Variants in ATP8B4 observed in about 807,000 individuals in gnomAD.
ATP8B4 encodes probable phospholipid-transporting ATPase IM.
In ATP8B4, 133 loss-of-function variants were observed where a neutral mutation model predicts 145.6. The ratio of observed to expected loss-of-function variants is 0.91; its 90% CI spans 0.79 to 1.05. ATP8B4 has a LOEUF of 1.05. Ranked by LOEUF, ATP8B4 falls within the 50% of genes least tolerant of loss-of-function variation. ATP8B4 has a pLI of 0.00. For synonymous variants in ATP8B4, 507 were observed against 492.9 expected (o/e 1.03, Z -0.38); for missense variants, 1,458 against 1,425.2 (o/e 1.02, Z -0.37).
At chr15:50,110,908 C>CT (rs11415745) in intron 1 of ATP8B4, among the ~76,000 whole-genome samples, 47,625 of 149,270 alleles carry the variant, frequency 0.32, 8,190 homozygotes, top group East Asian at 0.65. Context: ...TCCATAAATA[C>CT]TTTTTTTTTT....
upstream of ATP8B4, chr15:50,119,264 C>T (rs1474585358): frequency 6.6e-6 from 1 of 152,268 alleles, no homozygotes; most frequent in African/African-American, 2.4e-5. Context: ...AGAAAACAAA[C>T]TGGGTCTCTA....
At chr15:49,981,993 G>A (rs934521412) in intron 10 of ATP8B4, among the ~76,000 whole-genome samples, 1 of 152,110 alleles carries the variant, frequency 6.6e-6, no homozygotes, top group Non-Finnish European at 1.5e-5. Context: ...TAAGAATATT[G>A]AAAAATATTG....
chr15:49,979,485 G>A, intron 12 of ATP8B4, 132 bp downstream of exon 12: 1 of 657,094 alleles, frequency 1.5e-6, no homozygotes, highest in Non-Finnish European at 2.3e-6. Context: ...TGTCCCATTT[G>A]TAACAGATGT....
chr15:50,074,409 A>T (rs1180733517), intron 2 of ATP8B4, among the ~76,000 whole-genome samples: 1 of 152,236 alleles, frequency 6.6e-6, no homozygotes, highest in Non-Finnish European at 1.5e-5. Context: ...GATGCCAACC[A>T]TAAAGCAAAA....
At chr15:50,099,329 G>C (rs1364447944) in intron 2 of ATP8B4, among the ~76,000 whole-genome samples, 1 of 151,960 alleles carries the variant, frequency 6.6e-6, no homozygotes, top group Non-Finnish European at 1.5e-5. Context: ...ACTCAGGCAG[G>C]AGTGCAGTAG....
intron 2 of ATP8B4, among the ~76,000 whole-genome samples, chr15:50,087,166 T>C (rs1460044665): frequency 7.8e-6 from 1 of 128,420 alleles, no homozygotes; most frequent in East Asian, 2.3e-4. Context: ...TATAGATCTC[T>C]ATTATATATA....
intron 14 of ATP8B4, among the ~76,000 whole-genome samples, chr15:49,959,778 G>A (rs2043901645): frequency 6.6e-6 from 1 of 152,036 alleles, no homozygotes; most frequent in Non-Finnish European, 1.5e-5. Context: ...ACCTGAAAAT[G>A]CTTCTGAGAG....
chr15:49,935,281 C>A (rs563334236), intron 14 of ATP8B4, among the ~76,000 whole-genome samples: 1 of 152,184 alleles, frequency 6.6e-6, no homozygotes, highest in African/African-American at 2.4e-5. Context: ...ATCTTCCGAA[C>A]AATGATGTGT....
intron 1 of ATP8B4, among the ~76,000 whole-genome samples, chr15:50,173,036 G>C (rs1421051084): frequency 8.1e-6 from 1 of 123,018 alleles, no homozygotes; most frequent in Non-Finnish European, 1.7e-5. Context: ...CCGGGAGGTG[G>C]GGGCAGCCTC....
chr15:50,054,992 A>T (rs1404218209), intron 3 of ATP8B4, among the ~76,000 whole-genome samples: 1 of 152,138 alleles, frequency 6.6e-6, no homozygotes, highest in African/African-American at 2.4e-5. Flanking sequence ...TAAGGCAAGT[A>T]CATGGCCCAC....
intron 3 of ATP8B4, among the ~76,000 whole-genome samples, chr15:50,071,632 A>G (rs1283256218): frequency 2.0e-5 from 3 of 152,310 alleles, no homozygotes; most frequent in African/African-American, 7.2e-5. Context: ...CAGTTAAAGG[A>G]CTGGCTATAG....
At chr15:50,067,383 C>G (rs1051653019) in intron 3 of ATP8B4, among the ~76,000 whole-genome samples, 3 of 152,136 alleles carry the variant, frequency 2.0e-5, no homozygotes, top group African/African-American at 7.2e-5. Flanking sequence ...TCATGACATA[C>G]TGTCACTTCT....
intron 2 of ATP8B4, among the ~76,000 whole-genome samples, chr15:50,086,219 AT>A (rs1183426151): frequency 8.2e-4 from 84 of 102,172 alleles, no homozygotes; most frequent in African/African-American, 3.8e-3. Context: ...AGAGATCTAT[AT>A]TTATTATATA....
intron 14 of ATP8B4, among the ~76,000 whole-genome samples, chr15:49,946,175 G>A (rs2042549387): frequency 6.6e-6 from 1 of 152,028 alleles, no homozygotes; most frequent in African/African-American, 2.4e-5. Flanking sequence ...AAGTAAAGTT[G>A]CAGTACAAAA....
At chr15:50,116,345 C>A (rs77049202) in intron 1 of ATP8B4, among the ~76,000 whole-genome samples, 6,872 of 152,018 alleles carry the variant, frequency 0.045, 208 homozygotes, top group Non-Finnish European at 0.067. Flanking sequence ...CCTTGGGACA[C>A]TGAGGGAATA....
In ATP8B4 at chr15:49,860,491, C is replaced by A; in HGVS notation, c.3298-16G>T. 6.3e-7 allele frequency: 1 copy of A among 1,586,602 alleles called. No homozygotes were observed. The highest frequency in any genetic ancestry group is 8.6e-7 in the Non-Finnish European group (1 of 1,168,882). On this transcript the variant is annotated splice_polypyrimidine_tract_variant and intron_variant, in intron 27 of 27. Transcript: ENST00000284509. Reference sequence around the variant, plus strand: ...ACCGGCGGATCTGGAGAGAAACAGACCCAAAGTGAGATGATGCATCCAAAT... The same window carrying A: ...ACCGGCGGATCTGGAGAGAAACAGAACCAAAGTGAGATGATGCATCCAAAT...
At chr15:50,047,294 C>T (rs2051799050) in intron 4 of ATP8B4, 57 bp downstream of exon 4, 1 of 1,124,670 alleles carries the variant, frequency 8.9e-7, no homozygotes, top group Non-Finnish European at 1.3e-6. Context: ...TTACTTTTTA[C>T]AATTTTATGA....
At chr15:50,158,412 C>G (rs1407703838) in intron 1 of ATP8B4, among the ~76,000 whole-genome samples, 1 of 149,322 alleles carries the variant, frequency 6.7e-6, no homozygotes, top group Admixed American at 6.6e-5. Flanking sequence ...CCCGCCCGGC[C>G]AGCTGCCCCG....
At chr15:50,135,337 T>A (rs1018277693) in intron 1 of ATP8B4, among the ~76,000 whole-genome samples, 1 of 152,170 alleles carries the variant, frequency 6.6e-6, no homozygotes, top group Non-Finnish European at 1.5e-5. Context: ...CTGAATAGTT[T>A]TTCCATATTG....
Sources: gnomAD v4.1 joint callset for allele counts (sites outside exome capture counted in the v4.1 genomes callset) on GRCh38, gnomAD v4.1.1 for gene constraint, MANE v1.5 for transcripts, NCBI Gene and HGNC (gene_info 2026-07-23, HGNC 2026-07-21) for gene names.